Variants in SMOX observed in about 807,000 individuals in gnomAD.
SMOX encodes the protein spermine oxidase.
In SMOX, 22 loss-of-function variants were observed where a neutral mutation model predicts 51.0. The ratio of observed to expected loss-of-function variants is 0.43; its 90% confidence interval spans 0.31 to 0.62. The LOEUF is 0.62. SMOX is among the 20% of genes least tolerant of loss of function. The pLI is 0.10. For missense variants in SMOX, 566 were observed against 777.7 expected (o/e 0.73, Z 3.24); for synonymous variants, 282 against 307.8 (o/e 0.92, Z 0.88).
chr20:4,185,693 T>C (rs7362760), intron 6 of SMOX, among the ~76,000 whole-genome samples: 13 of 97,840 alleles, frequency 1.3e-4, no homozygotes, highest in African/African-American at 2.7e-4. Context: ...GAAATGCAGA[T>C]TCTCAGCCTG....
chr20:4,180,381 G>T (rs1478862610), intron 3 of SMOX, among the ~76,000 whole-genome samples: 1 of 152,164 alleles, frequency 6.6e-6, no homozygotes, highest in African/African-American at 2.4e-5. Flanking sequence ...CTAGCCCAGG[G>T]CTGGGGGACA....
chr20:4,182,279 A>G lies in SMOX; in HGVS notation c.800A>G (p.Asp267Gly), dbSNP rs1979389246. The G allele has an allele frequency of 1.2e-6, 2 of 1,611,762 alleles. No homozygotes were observed. The highest frequency in any genetic ancestry group is 1.7e-6 in the Non-Finnish European group (2 of 1,178,554). ...LGKPVRCIHW[D>G]QASARPRGPE... Reference sequence around the variant, plus strand: ...AAACCTGTCCGCTGCATTCACTGGGACCAGGCCTCAGCCCGCCCCAGAGGC... The same window carrying G: ...AAACCTGTCCGCTGCATTCACTGGGGCCAGGCCTCAGCCCGCCCCAGAGGC... The change falls in exon 5 of 7, where the codon GAC becomes GGC. Residue 267 changes from aspartate (D) to glycine (G), a missense_variant. By Grantham distance (94) the Asp-to-Gly change is moderately conservative. This residue lies in a region of SMOX where 347 missense variants were observed against 481.8 expected (regional missense o/e 0.72). Coordinates refer to ENST00000305958, the MANE Select transcript of SMOX (RefSeq NM_175839.3). This position sits in a 1 kb window ranked among gnomAD's most constrained non-coding sequence, Gnocchi z 8.4.
At chr20:4,175,589 G>T (rs1162426651) in intron 2 of SMOX, among the ~76,000 whole-genome samples, 1 of 152,156 alleles carries the variant, frequency 6.6e-6, no homozygotes, top group Non-Finnish European at 1.5e-5. Flanking sequence ...CTTCTGCAAG[G>T]TCCTAGTAGT....
At chr20:4,154,158 C>G (rs1393017077) in intron 1 of SMOX, among the ~76,000 whole-genome samples, 1 of 152,028 alleles carries the variant, frequency 6.6e-6, no homozygotes, top group Non-Finnish European at 1.5e-5. Flanking sequence ...AAGGCCTTGG[C>G]TGCCAAGCTG....
chr20:4,183,573 A>G lies in SMOX; in HGVS notation c.1449A>G (p.Ser483=), dbSNP rs150153832. 103 of 1,613,564 alleles carry G rather than the reference A, an allele frequency of 6.4e-5. No individual in the cohort carries two copies. The highest frequency in any genetic ancestry group is 8.5e-5 in the Non-Finnish European group (100 of 1,179,684). The change falls in exon 6 of 7, where the codon TCA becomes TCG. Residue 483 remains serine, a synonymous_variant. Transcript: ENST00000305958. The surrounding 1 kb of genome is among the most constrained non-coding windows in gnomAD (Gnocchi z 4.3). ...GSNPYFRGSY[S]YTQVGSSGAD... ...ACCCTTACTTCCGCGGCTCCTATTC[A>G]TACACGCAGGTGGGCTCCAGCGGGG...
chr20:4,182,416 G>C lies in SMOX; in HGVS notation c.937G>C (p.Val313Leu). Reference sequence around the variant, plus strand: ...GTGGGATGAGGATGAGCAGTGGTCGGTGGTGGTGGAGTGCGAGGACTGTGA... The same window carrying C: ...GTGGGATGAGGATGAGCAGTGGTCGCTGGTGGTGGAGTGCGAGGACTGTGA... The part of the protein sequence containing the change: ...GRWDEDEQWS[V>L]VVECEDCELI... The change falls in exon 5 of 7, where the codon GTG (valine) becomes CTG (leucine). Residue 313 changes from valine to leucine, a missense_variant. By Grantham distance (32) the Val-to-Leu change is conservative (BLOSUM62 1). Coordinates refer to ENST00000305958, the MANE Select transcript of SMOX (RefSeq NM_175839.3). This position sits in a 1 kb window ranked among gnomAD's most constrained non-coding sequence, Gnocchi z 8.4. The C allele has an allele frequency of 6.2e-7, 1 of 1,602,910 alleles. No homozygotes were observed. Among genetic ancestry groups the C allele is most frequent in the Non-Finnish European group, 8.5e-7 (1 of 1,174,108 alleles).
chr20:4,184,007 G>T (rs1423566631), intron 6 of SMOX, among the ~76,000 whole-genome samples: 1 of 151,080 alleles, frequency 6.6e-6, no homozygotes, highest in Non-Finnish European at 1.5e-5. Context: ...ACAGGGTCTT[G>T]CTCTGTCTAC....
chr20:4,182,335 C>T lies in SMOX; in HGVS notation c.856C>T (p.His286Tyr), dbSNP rs1250439572. 3.8e-6 allele frequency: 6 copies of T among 1,593,404 alleles called. No individual in the cohort carries two copies. The African/African-American group carries it at 8.1e-5, about 21-fold the overall frequency. ...GATTGAGCCCCGGGGTGAGGGCGAC[C>T]ACAATCACGACACTGGGGAGGGTGG... ...PEIEPRGEGD[H>Y]NHDTGEGGQG... The change falls in exon 5 of 7, where the codon CAC (histidine) becomes TAC (tyrosine). Residue 286 changes from histidine (H) to tyrosine (Y), a missense_variant. His to Tyr is a moderately conservative substitution (Grantham distance 83). Coordinates refer to ENST00000305958, the MANE Select transcript of SMOX (RefSeq NM_175839.3). This position sits in a 1 kb window ranked among gnomAD's most constrained non-coding sequence, Gnocchi z 8.4.
intron 1 of SMOX, among the ~76,000 whole-genome samples, chr20:4,154,370 C>A (rs1985902896): frequency 7.4e-6 from 1 of 135,554 alleles, no homozygotes; most frequent in African/African-American, 3.2e-5. Context: ...CTCCGCATTT[C>A]TTTCTTTCTT....
chr20:4,185,897 C>G (rs1475150241), intron 6 of SMOX, among the ~76,000 whole-genome samples: 1 of 139,032 alleles, frequency 7.2e-6, no homozygotes, highest in Non-Finnish European at 1.5e-5. Context: ...TGTCTCAAAA[C>G]AAAAACCAAA....
At position 4,182,836 on chromosome 20, in the gene SMOX, C is replaced by T. The variant is rs199700652; in HGVS notation, c.1357C>T (p.Arg453Cys). Residue 453 changes from arginine to cysteine, a missense_variant, in exon 5 of 7, where the codon CGT becomes TGT. Arg to Cys is a radical substitution (Grantham distance 180, BLOSUM62 -3). Coordinates refer to ENST00000305958, the MANE Select transcript of SMOX (RefSeq NM_175839.3). The surrounding 1 kb of genome is among the most constrained non-coding windows in gnomAD (Gnocchi z 8.4). The stretch of plus-strand genomic sequence containing the variant: ...GGCCGAGATCTGCACGGAGATGCTG[C>T]GTCAGTTCACAGGTGCGCCACGTGC... ...AVAEICTEML[R>C]QFTGNPNIPK... The T allele has an allele frequency of 1.3e-4, 216 of 1,606,010 alleles. 1 individual carries two copies. In the South Asian group the frequency reaches 2.0e-3, roughly 15 times the overall value.
chr20:4,162,441 G>T (rs1049251776), intron 1 of SMOX, among the ~76,000 whole-genome samples: 1 of 152,242 alleles, frequency 6.6e-6, no homozygotes, highest in Non-Finnish European at 1.5e-5. Flanking sequence ...GCCTCTGCAC[G>T]TGCAGTTTCC....
Position 4,182,038 on chromosome 20 carries a change from C to A in SMOX, c.610-51C>A, listed in dbSNP as rs1425450160. On this transcript the variant is annotated intron_variant, in intron 4 of 6. Transcript: ENST00000305958. This position sits in a 1 kb window ranked among gnomAD's most constrained non-coding sequence, Gnocchi z 8.4. Reference sequence around the variant, plus strand: ...TCTGAGGAGGGCTACGCTGCTCCTACCCCTGCCCAACCCCGGCGGTCACCT... The same window carrying A: ...TCTGAGGAGGGCTACGCTGCTCCTAACCCTGCCCAACCCCGGCGGTCACCT... 1.3e-6 allele frequency: 2 copies of A among 1,592,734 alleles called. No individual in the cohort carries two copies. Among genetic ancestry groups the A allele is most frequent in the South Asian group, 1.1e-5 (1 of 87,926 alleles).
At chr20:4,154,212 G>T (rs1985895396) in intron 1 of SMOX, among the ~76,000 whole-genome samples, 1 of 152,146 alleles carries the variant, frequency 6.6e-6, no homozygotes, top group Non-Finnish European at 1.5e-5. Flanking sequence ...AGCCTTTGAA[G>T]GTTATAGGGC....
In SMOX at chr20:4,182,234, C is replaced by A. The variant is rs1373427554; in HGVS notation, c.755C>A (p.Ala252Asp). Residue 252 changes from alanine (A) to aspartate (D), a missense_variant, in exon 5 of 7, where the codon GCC (alanine) becomes GAC (aspartate). Coordinates refer to ENST00000305958, the MANE Select transcript of SMOX (RefSeq NM_175839.3). This position sits in a 1 kb window ranked among gnomAD's most constrained non-coding sequence, Gnocchi z 8.4. ...VVELLAEGIP[A>D]HVIQLGKPVR... ...GAGCTGCTGGCGGAGGGCATCCCTGCCCACGTCATCCAGCTAGGGAAACCT... is the reference window on the plus strand; with the variant it reads ...GAGCTGCTGGCGGAGGGCATCCCTGACCACGTCATCCAGCTAGGGAAACCT... 8 of 1,613,666 alleles carry A rather than the reference C, an allele frequency of 5.0e-6. No individual in the cohort carries two copies. The highest frequency in any genetic ancestry group is 6.8e-6 in the Non-Finnish European group (8 of 1,179,988).
At chr20:4,175,749 G>A (rs7261463) in intron 2 of SMOX, among the ~76,000 whole-genome samples, 5,111 of 152,160 alleles carry the variant, frequency 0.034, 277 homozygotes, top group African/African-American at 0.12. Flanking sequence ...TCTGGGAAGT[G>A]GATCTGTCTA....
chr20:4,187,418 C>A lies in SMOX; in HGVS notation c.*11C>A. 1.2e-6 allele frequency: 2 copies of A among 1,612,144 alleles called. No homozygotes were observed. Among genetic ancestry groups the A allele is most frequent in the Non-Finnish European group, 8.5e-7 (1 of 1,178,754 alleles). On this transcript the variant is annotated 3_prime_UTR_variant, in exon 7 of 7. Coordinates refer to ENST00000305958, the MANE Select transcript of SMOX (RefSeq NM_175839.3). This position sits in a 1 kb window ranked among gnomAD's most constrained non-coding sequence, Gnocchi z 4.8. ...CAGCAGGGGACCTGAGGGCTGTCCT[C>A]GCTGCTGAGAAGAGCCACTAACTCG...
rs903660508 is a variant in SMOX at position 4,166,066 on chromosome 20, G to T, written c.-26-8964G>T. On this transcript the variant is annotated intron_variant, in intron 1 of 6. Coordinates refer to ENST00000305958, the MANE Select transcript of SMOX (RefSeq NM_175839.3). The surrounding 1 kb of genome is among the most constrained non-coding windows in gnomAD (Gnocchi z 4.2). ...GTGGGGCTGGCCCAGAGCTTGAAAA[G>T]TTCACAGGAGGTGTTCAGAGCAATT... Among the ~76,000 whole-genome samples the T allele has an allele frequency of 5.3e-5, 8 of 152,242 alleles. No individual in the cohort carries two copies. The highest frequency in any genetic ancestry group is 1.4e-4 in the African/African-American group (6 of 41,450).
At chr20:4,179,867 C>T (rs1053822622) in intron 3 of SMOX, among the ~76,000 whole-genome samples, 10 of 152,116 alleles carry the variant, frequency 6.6e-5, no homozygotes, top group East Asian at 1.9e-4. Flanking sequence ...CAGACCTGTC[C>T]GATTTTCCTT....
Sources: allele counts gnomAD v4.1 joint callset (sites outside exome capture counted in the v4.1 genomes callset), GRCh38; gene constraint gnomAD v4.1.1; regional missense constraint gnomAD v4.1.1; non-coding constraint Gnocchi (gnomAD v3.1); transcripts MANE v1.5; gene names NCBI Gene and HGNC (gene_info 2026-07-23, HGNC 2026-07-21).